HMCN1: variants seen among roughly 807,000 people sequenced by gnomAD.
HMCN1 encodes hemicentin 1.
In HMCN1, 321 loss-of-function variants were observed where a neutral mutation model predicts 625.9. The observed-to-expected ratio is 0.51, with a 90% confidence interval of 0.47 to 0.56. The LOEUF is 0.56. Among genes scored for constraint, HMCN1 ranks in the 20% least tolerant of loss-of-function variants. The pLI is 0.00. For synonymous variants in HMCN1, 2,425 were observed against 2,417.6 expected (o/e 1.00, Z -0.09); for missense variants, 6,588 against 6,887.3 (o/e 0.96, Z 1.54).
intron 97 of HMCN1, among the ~76,000 whole-genome samples, chr1:186,157,746 C>T (rs974929614): frequency 4.6e-5 from 7 of 152,146 alleles, no homozygotes; most frequent in African/African-American, 1.7e-4. Flanking sequence ...CAATTTCAAC[C>T]ATGTCCCTAC....
At chr1:185,827,399 AC>A (rs922316593) in intron 1 of HMCN1, among the ~76,000 whole-genome samples, 1 of 152,034 alleles carries the variant, frequency 6.6e-6, no homozygotes, top group African/African-American at 2.4e-5. Context: ...AAATAAAAGA[AC>A]TCAGAGAAGA....
intron 6 of HMCN1, among the ~76,000 whole-genome samples, chr1:185,912,241 CCTTTA>C (rs780453162): frequency 2.6e-5 from 4 of 152,128 alleles, no homozygotes; most frequent in Non-Finnish European, 5.9e-5. Flanking sequence ...TAGTCACTGT[CCTTTA>C]CTTTACAGAA....
chr1:185,791,781 C>T (rs1028879944), intron 1 of HMCN1, among the ~76,000 whole-genome samples: 3 of 152,052 alleles, frequency 2.0e-5, no homozygotes, highest in Non-Finnish European at 4.4e-5. Context: ...GTCATGATTT[C>T]TTCATATATT....
chr1:185,820,445 C>G (rs890353118), intron 1 of HMCN1, among the ~76,000 whole-genome samples: 42 of 152,106 alleles, frequency 2.8e-4, no homozygotes, highest in African/African-American at 9.9e-4. Context: ...GCTGAGACAG[C>G]CCCGAATAAT....
rs761755289 is a variant in HMCN1, at chr1:185,994,876, T to C, written c.3567T>C (p.Asp1189=). The change falls in exon 24 of 107, where the codon GAT becomes GAC. Residue 1189 remains aspartate (D), a synonymous_variant. Coordinates refer to ENST00000271588, the MANE Select transcript of HMCN1 (RefSeq NM_031935.3). ...AAGTCCAAGTTGGTCAAAGAGTGGA[T>C]ATTCCATGTAATGCTCAAGGGACTC... ...HLKVQVGQRV[D]IPCNAQGTPL... is the part of the protein sequence containing the mutation. 1 of 1,613,790 alleles carries C rather than the reference T, an allele frequency of 6.2e-7. No homozygotes were observed. The highest frequency in any genetic ancestry group is 8.5e-7 in the Non-Finnish European group (1 of 1,179,782).
chr1:185,946,978 T>A (rs1668380844), intron 11 of HMCN1, among the ~76,000 whole-genome samples: 1 of 152,222 alleles, frequency 6.6e-6, no homozygotes, highest in African/African-American at 2.4e-5. Context: ...ATCATTAATA[T>A]CCCTGAAACT....
intron 16 of HMCN1, 88 bp downstream of exon 16, chr1:185,978,069 G>T: frequency 3.1e-6 from 3 of 956,776 alleles, no homozygotes; most frequent in Non-Finnish European, 3.2e-6. Flanking sequence ...ATTTAAAATA[G>T]TATATTAATC....
At chr1:186,148,478 C>T (rs746899248) in intron 93 of HMCN1, among the ~76,000 whole-genome samples, 4 of 152,148 alleles carry the variant, frequency 2.6e-5, no homozygotes, top group African/African-American at 7.2e-5. Flanking sequence ...AAAGGAATCA[C>T]TATGGTAGTT....
In HMCN1 at chr1:186,171,998, T is replaced by C; in HGVS notation, c.15689-8T>C. On this transcript the variant is annotated splice_region_variant and splice_polypyrimidine_tract_variant and intron_variant, in intron 101 of 106. Transcript: ENST00000271588. ...CTTAATCTACATTACCTTTGTTCTT[T>C]TATCAAGATGTGAACGAGTGTAGAC... 2.5e-6 allele frequency: 4 copies of C among 1,612,968 alleles called. No individual in the cohort carries two copies. Among genetic ancestry groups the C allele is most frequent in the Non-Finnish European group, 3.4e-6 (4 of 1,179,192 alleles).
chr1:185,875,694 C>T (rs1165942332), intron 4 of HMCN1, among the ~76,000 whole-genome samples: 2 of 152,038 alleles, frequency 1.3e-5, no homozygotes, highest in East Asian at 1.9e-4. Context: ...TCCTTCTCTG[C>T]CTCCTTTACT....
chr1:186,020,689 G>A (rs750758818), intron 35 of HMCN1, among the ~76,000 whole-genome samples: 8 of 152,066 alleles, frequency 5.3e-5, no homozygotes, highest in Non-Finnish European at 1.0e-4. Flanking sequence ...TATGGGAAAA[G>A]CCCTGATTAG....
intron 1 of HMCN1, among the ~76,000 whole-genome samples, chr1:185,807,900 A>T (rs1659271924): frequency 6.6e-6 from 1 of 152,188 alleles, no homozygotes; most frequent in Non-Finnish European, 1.5e-5. Flanking sequence ...TGACGGGAAT[A>T]TTCTCTTTTT....
intron 103 of HMCN1, among the ~76,000 whole-genome samples, chr1:186,176,258 C>T (rs922084925): frequency 2.0e-5 from 3 of 152,140 alleles, no homozygotes; most frequent in Non-Finnish European, 4.4e-5. Flanking sequence ...ATGTGCTTGG[C>T]TTGTTCATTA....
chr1:185,764,943 A>G (rs1241051672), intron 1 of HMCN1, among the ~76,000 whole-genome samples: 1 of 152,174 alleles, frequency 6.6e-6, no homozygotes, highest in Non-Finnish European at 1.5e-5. Flanking sequence ...TTCATAGGCA[A>G]TGCCTGAAGA....
intron 4 of HMCN1, among the ~76,000 whole-genome samples, chr1:185,870,690 C>CT (rs1214346067): frequency 1.3e-5 from 2 of 152,086 alleles, no homozygotes; most frequent in Non-Finnish European, 2.9e-5. Context: ...AAGCATGTAT[C>CT]TTTGAGTTAC....
At chr1:186,145,296 G>A in intron 91 of HMCN1, 107 bp from the exon 92 acceptor site, 1 of 1,112,188 alleles carries the variant, frequency 9.0e-7, no homozygotes, top group Non-Finnish European at 1.3e-6. Flanking sequence ...TTTTGTTTTA[G>A]GTGCTGAGAA....
chr1:185,796,843 T>C (rs956172847), intron 1 of HMCN1, among the ~76,000 whole-genome samples: 1 of 152,148 alleles, frequency 6.6e-6, no homozygotes, highest in African/African-American at 2.4e-5. Context: ...TGATTCCTTT[T>C]TATTTGGGAA....
At chr1:185,804,586 T>C (rs555397888) in intron 1 of HMCN1, among the ~76,000 whole-genome samples, 1 of 152,202 alleles carries the variant, frequency 6.6e-6, no homozygotes, top group East Asian at 1.9e-4. Flanking sequence ...AAAACAGGTT[T>C]AGGACTTTCA....
At chr1:185,852,608 AC>A (rs1662232919) in intron 2 of HMCN1, among the ~76,000 whole-genome samples, 1 of 147,142 alleles carries the variant, frequency 6.8e-6, no homozygotes, top group South Asian at 2.2e-4. Flanking sequence ...ACACACACAC[AC>A]ACACACACAC....
Sources: gnomAD v4.1 joint callset for allele counts (sites outside exome capture counted in the v4.1 genomes callset) on GRCh38, gnomAD v4.1.1 for gene constraint, MANE v1.5 for transcripts, NCBI Gene and HGNC (gene_info 2026-07-23, HGNC 2026-07-21) for gene names.